Variants in FERMT3 observed in about 807,000 individuals in gnomAD.
FERMT3 encodes fermitin family homolog 3.
FERMT3 carries 33 observed loss-of-function variants against 80.8 expected under a neutral mutation model. That is an observed-to-expected ratio of 0.41 (90% CI 0.31 to 0.55). FERMT3 has a LOEUF of 0.55. Among genes scored for constraint, FERMT3 ranks in the 20% least tolerant of loss-of-function variants. The pLI, the probability that FERMT3 is intolerant of heterozygous loss-of-function variation, is 0.31. For synonymous variants in FERMT3, 375 were observed against 372.2 expected (o/e 1.01, Z -0.09); for missense variants, 754 against 908.7 (o/e 0.83, Z 2.19).
Position 64,210,964 on chromosome 11 carries a change from AGGGC to A in FERMT3, c.395-87_395-84del. ...CTGTCTGGGTTGCCACCCTGCCTGC[AGGGC>A]TGTGACCCGCCCCAAGCACCCATGG... On this transcript the variant is annotated intron_variant, in intron 3 of 14. Transcript: ENST00000345728. This position sits in a 1 kb window ranked among gnomAD's most constrained non-coding sequence, Gnocchi z 4.3. 1.2e-6 allele frequency: 2 copies of A among 1,607,122 alleles called. No homozygotes were observed. Among genetic ancestry groups the A allele is most frequent in the Non-Finnish European group, 1.7e-6 (2 of 1,176,956 alleles).
Position 64,223,120 on chromosome 11 carries a change from G to A in FERMT3, c.1743G>A (p.Val581=). The change falls in exon 14 of 15, where the codon GTG becomes GTA. Residue 581 remains valine (V), a synonymous_variant. Transcript: ENST00000345728. ...GACTGATCCGCATCGACTTGGCCGTGGGCGACGTGGTCAAGACCTGGCGTT... is the reference window on the plus strand; with the variant it reads ...GACTGATCCGCATCGACTTGGCCGTAGGCGACGTGGTCAAGACCTGGCGTT... ...NNRLIRIDLA[V]GDVVKTWRFS... is the part of the protein sequence containing the mutation. 1 of 1,613,918 alleles carries A rather than the reference G, an allele frequency of 6.2e-7. No homozygotes were observed. Among genetic ancestry groups the A allele is most frequent in the Non-Finnish European group, 8.5e-7 (1 of 1,180,048 alleles).
intron 12 of FERMT3, 105 bp from the exon 13 acceptor site, chr11:64,220,911 C>T: frequency 1.3e-6 from 2 of 1,559,928 alleles, no homozygotes; most frequent in Admixed American, 3.4e-5. Context: ...GGGCACTGCC[C>T]CTTCCCAGGC....
rs1946778750 is a variant in FERMT3 at position 64,223,666 on chromosome 11, C to T, written c.*174C>T. ...GACCTGGCAGGGCCAGACGCTGTAC[C>T]ATCACCCAGGCCAGGGATGGGGGTG... On this transcript the variant is annotated 3_prime_UTR_variant, in exon 15 of 15. Transcript: ENST00000345728. The T allele has an allele frequency of 2.3e-6, 2 of 868,498 alleles. No individual in the cohort carries two copies. The highest frequency in any genetic ancestry group is 1.7e-5 in the African/African-American group (1 of 59,918). The allele number at this position is 868,498 out of a possible 1,614,324, so 53.8% of individuals were successfully genotyped here. A position where few individuals can be genotyped will look rare whatever the true frequency, so the allele number is the denominator to read the frequency against.
rs780759663 is a variant in FERMT3 at position 64,220,003 on chromosome 11, C to T, written c.1192C>T (p.Leu398Phe). 1.1e-4 allele frequency: 180 copies of T among 1,613,502 alleles called. 1 individual carries two copies. In the South Asian group the frequency reaches 1.8e-3, roughly 16 times the overall value. Residue 398 changes from leucine to phenylalanine, a missense_variant, in exon 10 of 15, where the codon CTC becomes TTC. Leu to Phe is a conservative substitution (Grantham distance 22). Coordinates refer to ENST00000345728, the MANE Select transcript of FERMT3 (RefSeq NM_031471.6). ...DEAPGDPIQQLNLKGCEVVPD... is the reference protein window; with the variant it reads ...DEAPGDPIQQFNLKGCEVVPD... The stretch of plus-strand genomic sequence containing the variant: ...GGCCCCTGGGGACCCCATTCAGCAG[C>T]TCAACCTCAAGGGTAAGTGCACAGG...
rs954973509 is a variant in FERMT3 at position 64,219,061 on chromosome 11, G to T, written c.787-190G>T. ...GCCAAGGTTTAGACGTGCAGGCCTG[G>T]GCAGCAGGGGGCTAGCAGGCTATTA... On this transcript the variant is annotated intron_variant, in intron 6 of 14. Transcript: ENST00000345728. This position sits in a 1 kb window ranked among gnomAD's most constrained non-coding sequence, Gnocchi z 4.0. 6.6e-6 allele frequency among the ~76,000 whole-genome samples: 1 copy of T among 152,234 alleles called. No individual in the cohort carries two copies. The highest frequency in any genetic ancestry group is 1.5e-5 in the Non-Finnish European group (1 of 68,032).
In FERMT3 at chr11:64,211,522, C is replaced by T; in HGVS notation, c.683+79C>T. ...CCCCTGTCCCGTGTCTGTGCCCACC[C>T]CAGATCCACACTTCGTTTCCAGGCC... On this transcript the variant is annotated intron_variant, in intron 5 of 14. Transcript: ENST00000345728. This position sits in a 1 kb window ranked among gnomAD's most constrained non-coding sequence, Gnocchi z 4.7. 1 of 1,516,200 alleles carries T rather than the reference C, an allele frequency of 6.6e-7. No homozygotes were observed. The highest frequency in any genetic ancestry group is 8.9e-7 in the Non-Finnish European group (1 of 1,125,924). 93.9% of individuals were successfully genotyped at this position (1,516,200 alleles called of 1,614,324 possible).
upstream of FERMT3, among the ~76,000 whole-genome samples, chr11:64,206,468 A>AAC (rs1221820325): frequency 9.2e-5 from 14 of 152,234 alleles, no homozygotes; most frequent in African/African-American, 1.9e-4. Flanking sequence ...CCTAGCCCTG[A>AAC]ACACACACAG....
chr11:64,221,595 C>T (rs1384657425), intron 13 of FERMT3, among the ~76,000 whole-genome samples: 3 of 152,106 alleles, frequency 2.0e-5, no homozygotes, highest in Admixed American at 2.0e-4. Flanking sequence ...CACACTACTG[C>T]ACTCCAGCCT....
At position 64,220,324 on chromosome 11, in the gene FERMT3, G is replaced by A; in HGVS notation, c.1309G>A (p.Asp437Asn). The A allele has an allele frequency of 6.2e-7, 1 of 1,613,576 alleles. No homozygotes were observed. The highest frequency in any genetic ancestry group is 1.3e-5 in the African/African-American group (1 of 75,052). ...GAGTGAGATCTACCTGCGGTGCCAGGATGTGAGTGAGGGCTGGGCAGGGGC... is the reference window on the plus strand; with the variant it reads ...GAGTGAGATCTACCTGCGGTGCCAGAATGTGAGTGAGGGCTGGGCAGGGGC... ...GMSEIYLRCQDEQQYARWMAG... is the reference protein window; with the variant it reads ...GMSEIYLRCQNEQQYARWMAG... The change falls in exon 11 of 15, where the codon GAT becomes AAT. Residue 437 changes from aspartate (D) to asparagine (N), a missense_variant and splice_region_variant. Transcript: ENST00000345728.
Position 64,223,559 on chromosome 11 carries a change from G to C in FERMT3, c.*67G>C. 6.5e-7 allele frequency: 1 copy of C among 1,527,964 alleles called. No individual in the cohort carries two copies. Among genetic ancestry groups the C allele is most frequent in the South Asian group, 1.2e-5 (1 of 85,956 alleles). 94.7% of individuals were successfully genotyped at this position (1,527,964 alleles called of 1,614,324 possible). Reference sequence around the variant, plus strand: ...AGCCACTCCCAAGCCCACACCCACAGGGGCTCACTGCCCCACACCCGCTCC... The same window carrying C: ...AGCCACTCCCAAGCCCACACCCACACGGGCTCACTGCCCCACACCCGCTCC... On this transcript the variant is annotated 3_prime_UTR_variant, in exon 15 of 15. Coordinates refer to ENST00000345728, the MANE Select transcript of FERMT3 (RefSeq NM_031471.6).
At chr11:64,216,500 CTA>C (rs201541886) in intron 6 of FERMT3, among the ~76,000 whole-genome samples, 1,646 of 142,064 alleles carry the variant, frequency 0.012, 31 homozygotes, top group African/African-American at 0.04. Context: ...GGCCCAGCCT[CTA>C]TAAGGATTTT....
chr11:64,223,310 C>T lies in FERMT3; in HGVS notation c.1813-3C>T, dbSNP rs375903310. On this transcript the variant is annotated splice_region_variant and splice_polypyrimidine_tract_variant and intron_variant, in intron 14 of 14. Transcript: ENST00000345728. ...ACCATTTGCCCCTCTGTCTGCCCTTCAGGTGGCCATCGAGTTTGATGAACA... is the reference window on the plus strand; with the variant it reads ...ACCATTTGCCCCTCTGTCTGCCCTTTAGGTGGCCATCGAGTTTGATGAACA... 1 of 1,613,830 alleles carries T rather than the reference C, an allele frequency of 6.2e-7. No homozygotes were observed. The highest frequency in any genetic ancestry group is 1.3e-5 in the African/African-American group (1 of 74,940).
At position 64,207,335 on chromosome 11, in the gene FERMT3, T is replaced by C. The variant is rs772357755; in HGVS notation, c.-14-16T>C. ...CCAGGGCCTGCCCACCTTGCCTCCT[T>C]CCACACTCTCTGTAGCAGCAGCCGC... On this transcript the variant is annotated splice_polypyrimidine_tract_variant and intron_variant, in intron 1 of 14. Coordinates refer to ENST00000345728, the MANE Select transcript of FERMT3 (RefSeq NM_031471.6). 15 of 1,613,900 alleles carry C rather than the reference T, an allele frequency of 9.3e-6. No individual in the cohort carries two copies. Among genetic ancestry groups the C allele is most frequent in the Non-Finnish European group, 1.3e-5 (15 of 1,179,910 alleles).
chr11:64,218,236 C>T (rs1015260458), intron 6 of FERMT3, among the ~76,000 whole-genome samples: 2 of 152,082 alleles, frequency 1.3e-5, no homozygotes, highest in Non-Finnish European at 2.9e-5. Flanking sequence ...GATCTCCTGA[C>T]CTCGTGATCC....
At chr11:64,220,851 C>A in intron 12 of FERMT3, 165 bp from the exon 13 acceptor site, 1 of 1,388,228 alleles carries the variant, frequency 7.2e-7, no homozygotes, top group Admixed American at 1.8e-5. Flanking sequence ...GTGCCCATGT[C>A]CACCTTGCAG....
chr11:64,222,294 C>T (rs530224963), intron 13 of FERMT3, among the ~76,000 whole-genome samples: 3 of 149,900 alleles, frequency 2.0e-5, no homozygotes, highest in African/African-American at 4.9e-5. Context: ...AGAGCCTGCG[C>T]GATGGCTCAT....
At position 64,219,639 on chromosome 11, in the gene FERMT3, C is replaced by T. The variant is rs1456223717; in HGVS notation, c.1010C>T (p.Ser337Leu). Reference protein sequence around the residue: ...LSNLEVKLEGSAPTDVLDSLT... With the variant: ...LSNLEVKLEGLAPTDVLDSLT... Reference sequence around the variant, plus strand: ...AACCTGGAGGTGAAGCTGGAGGGGTCGGCGCCCACAGATGTGCTGGTGAGG... The same window carrying T: ...AACCTGGAGGTGAAGCTGGAGGGGTTGGCGCCCACAGATGTGCTGGTGAGG... Residue 337 changes from serine to leucine, a missense_variant, in exon 8 of 15, where the codon TCG becomes TTG. Ser to Leu is a moderately radical substitution (Grantham distance 145, BLOSUM62 -2). Transcript: ENST00000345728. This position sits in a 1 kb window ranked among gnomAD's most constrained non-coding sequence, Gnocchi z 4.0. 9 of 1,613,162 alleles carry T rather than the reference C, an allele frequency of 5.6e-6. No individual in the cohort carries two copies. Among genetic ancestry groups the T allele is most frequent in the African/African-American group, 1.3e-5 (1 of 74,942 alleles).
chr11:64,211,818 C>T lies in FERMT3; in HGVS notation c.786+71C>T. On this transcript the variant is annotated intron_variant, in intron 6 of 14. Coordinates refer to ENST00000345728, the MANE Select transcript of FERMT3 (RefSeq NM_031471.6). This position sits in a 1 kb window ranked among gnomAD's most constrained non-coding sequence, Gnocchi z 4.7. ...GGAGACCTAGGGCCTGGGGTATGGGCTCTGGGATGTTAGTGACTTGTAGTG... is the reference window on the plus strand; with the variant it reads ...GGAGACCTAGGGCCTGGGGTATGGGTTCTGGGATGTTAGTGACTTGTAGTG... 2 of 1,445,598 alleles carry T rather than the reference C, an allele frequency of 1.4e-6. No homozygotes were observed. The highest frequency in any genetic ancestry group is 2.3e-5 in the South Asian group (2 of 87,278). 89.5% of individuals were successfully genotyped at this position (1,445,598 alleles called of 1,614,324 possible). A position where few individuals can be genotyped will look rare whatever the true frequency, so the allele number is the denominator to read the frequency against.
intron 6 of FERMT3, among the ~76,000 whole-genome samples, chr11:64,212,082 C>T (rs1297653179): frequency 6.6e-6 from 1 of 152,158 alleles, no homozygotes; most frequent in Non-Finnish European, 1.5e-5. Flanking sequence ...AAGTCTGGGG[C>T]TCAGGTGGGA....
Sources: gnomAD v4.1 joint callset for allele counts (sites outside exome capture counted in the v4.1 genomes callset) on GRCh38, gnomAD v4.1.1 for gene constraint, Gnocchi (gnomAD v3.1) non-coding constraint, MANE v1.5 for transcripts, NCBI Gene and HGNC (gene_info 2026-07-23, HGNC 2026-07-21) for gene names.